Variants in ERICH1 observed in about 807,000 individuals in gnomAD.
The protein encoded by ERICH1 is glutamate rich 1, also known as glutamate-rich protein 1.
In ERICH1, 56 loss-of-function variants were observed where a neutral mutation model predicts 39.6. The observed-to-expected ratio is 1.41, with a 90% CI of 1.14 to 1.77. The LOEUF is 1.77. ERICH1 is among the 40% of genes most tolerant of loss of function. ERICH1 has a pLI of 0.00. For missense variants in ERICH1, 826 were observed against 575.4 expected (o/e 1.44, Z -4.45); for synonymous variants, 313 against 223.6 (o/e 1.40, Z -3.57).
At chr8:696,324 T>C (rs1196828977) in intron 2 of ERICH1, among the ~76,000 whole-genome samples, 1 of 45,072 alleles carries the variant, frequency 2.2e-5, no homozygotes. Context: ...CAGCCTGCGC[T>C]CGCTCCTCTC....
At chr8:672,370 G>A (rs1563221589) in intron 4 of ERICH1, among the ~76,000 whole-genome samples, 1 of 152,198 alleles carries the variant, frequency 6.6e-6, no homozygotes, top group African/African-American at 2.4e-5. Flanking sequence ...AGGCTAGAGT[G>A]CTCTTCGTGT....
chr8:626,611 A>C (rs1797606121), intron 3 of ERICH1: 1 of 155,856 alleles, frequency 6.4e-6, no homozygotes, highest in Admixed American at 6.1e-5. Context: ...CCGGGGAATA[A>C]TTTTATTATG....
intron 3 of ERICH1, among the ~76,000 whole-genome samples, chr8:683,159 T>G (rs1348006707): frequency 6.6e-6 from 1 of 152,052 alleles, no homozygotes; most frequent in Non-Finnish European, 1.5e-5. Context: ...CCGGGCAGGG[T>G]GGTTTGAGAC....
intron 2 of ERICH1, among the ~76,000 whole-genome samples, chr8:699,838 G>GGCGCACAGACGCGCACAC (rs1811381051): frequency 1.7e-5 from 1 of 58,384 alleles, no homozygotes; most frequent in African/African-American, 6.1e-5. Flanking sequence ...GACCCGCACA[G>GGCGCACAGACGCGCACAC]GCGCACAGAC....
At chr8:661,146 T>A (rs898928767), downstream of ERICH1, among the ~76,000 whole-genome samples, 7 of 152,162 alleles carry the variant, frequency 4.6e-5, no homozygotes, top group African/African-American at 1.7e-4. Flanking sequence ...GGCAGATGCA[T>A]GCACATTTCT....
At chr8:634,284 G>A (rs1232247788) in intron 3 of ERICH1, among the ~76,000 whole-genome samples, 1 of 152,080 alleles carries the variant, frequency 6.6e-6, no homozygotes, top group Non-Finnish European at 1.5e-5. Flanking sequence ...ACGAAGCGGT[G>A]CTCACCTCAC....
intron 1 of ERICH1, among the ~76,000 whole-genome samples, chr8:720,538 G>C (rs1817066685): frequency 6.6e-6 from 1 of 152,170 alleles, no homozygotes; most frequent in Admixed American, 6.5e-5. Flanking sequence ...TTTAAATCCC[G>C]AGTTTTCATA....
rs117492005 is a variant in ERICH1, at chr8:655,764, C to T, written c.976+12834G>A. ...CTCCTCTCTCATGCACAGTCACACA[C>T]GGTAGACAGTGTATTATTTAAATAC... On this transcript the variant is annotated intron_variant, in intron 3 of 3. Transcript: ENST00000522706. Among the ~76,000 whole-genome samples the T allele has an allele frequency of 3.1e-4, 45 of 143,784 alleles. No homozygotes were observed. The East Asian group carries it at 5.6e-3, about 18-fold the overall frequency. 94.3% of individuals were successfully genotyped at this position (143,784 alleles called of 152,430 possible).
intron 3 of ERICH1, among the ~76,000 whole-genome samples, chr8:657,079 TCAA>T (rs1800753161): frequency 6.6e-6 from 1 of 152,188 alleles, no homozygotes; most frequent in Non-Finnish European, 1.5e-5. Context: ...ACAGCAAAAC[TCAA>T]CAAACTGTAG....
intron 3 of ERICH1, among the ~76,000 whole-genome samples, chr8:680,481 C>G (rs1805860122): frequency 6.8e-6 from 1 of 147,386 alleles, no homozygotes; most frequent in African/African-American, 2.5e-5. Flanking sequence ...CACCCCTCCC[C>G]GAAAACACGG....
chr8:650,010 C>A (rs1340700273), intron 3 of ERICH1, among the ~76,000 whole-genome samples: 2 of 152,342 alleles, frequency 1.3e-5, no homozygotes, highest in African/African-American at 2.4e-5. Flanking sequence ...CCGGACCGCG[C>A]CCGGCGAGGG....
chr8:671,570 C>G (rs1803415817), intron 4 of ERICH1, among the ~76,000 whole-genome samples: 2 of 148,470 alleles, frequency 1.3e-5, no homozygotes, highest in African/African-American at 2.5e-5. Flanking sequence ...TCTGTGCCCA[C>G]TGGTCCCCAG....
chr8:707,918 G>A (rs1229945269), intron 2 of ERICH1, among the ~76,000 whole-genome samples: 3 of 152,148 alleles, frequency 2.0e-5, no homozygotes, highest in African/African-American at 7.2e-5. Flanking sequence ...TCAGTATGGA[G>A]GATGTACAAC....
intron 3 of ERICH1, chr8:656,662 G>A (rs1800701999): frequency 2.4e-6 from 2 of 849,382 alleles, no homozygotes; most frequent in African/African-American, 3.7e-5. Context: ...GAATTTTGGG[G>A]CTTACTTGCC....
At chr8:705,336 C>T (rs568652211) in intron 2 of ERICH1, among the ~76,000 whole-genome samples, 1 of 152,258 alleles carries the variant, frequency 6.6e-6, no homozygotes, top group Admixed American at 6.5e-5. Flanking sequence ...ATGGCCCGTG[C>T]AGAAGTGACC....
chr8:670,706 G>A (rs947500952), intron 4 of ERICH1, among the ~76,000 whole-genome samples: 1 of 152,192 alleles, frequency 6.6e-6, no homozygotes, highest in Non-Finnish European at 1.5e-5. Flanking sequence ...TTGGGCAAAG[G>A]TTCTAAGGGA....
chr8:654,901 C>A (rs1184405987), intron 3 of ERICH1, among the ~76,000 whole-genome samples: 5 of 152,224 alleles, frequency 3.3e-5, no homozygotes, highest in African/African-American at 1.2e-4. Context: ...ACCTGCCAAG[C>A]TGGAGACAGC....
In ERICH1 at chr8:633,608, G is replaced by C. The variant is rs147987042; in HGVS notation, c.977-18324C>G. 6.6e-5 allele frequency among the ~76,000 whole-genome samples: 10 copies of C among 152,298 alleles called. No homozygotes were observed. In the East Asian group the frequency reaches 1.9e-3, roughly 29 times the overall value. On this transcript the variant is annotated intron_variant, in intron 3 of 3. Transcript: ENST00000522706. ...CAATCCTAAAAAGAACGAAGCTGGAGACTCACATTTCCTGATTCAAAATTT... is the reference window on the plus strand; with the variant it reads ...CAATCCTAAAAAGAACGAAGCTGGACACTCACATTTCCTGATTCAAAATTT...
chr8:718,623 G>A (rs1013929896), intron 1 of ERICH1, among the ~76,000 whole-genome samples: 2 of 152,232 alleles, frequency 1.3e-5, no homozygotes, highest in African/African-American at 4.8e-5. Context: ...GGGTTTCTCA[G>A]GGATAACTGA....
Sources: gnomAD v4.1 joint callset for allele counts (sites outside exome capture counted in the v4.1 genomes callset) on GRCh38, gnomAD v4.1.1 for gene constraint, MANE v1.5 for transcripts, NCBI Gene and HGNC (gene_info 2026-07-23, HGNC 2026-07-21) for gene names.